Variants in VPS13B observed in about 807,000 individuals in gnomAD.
The protein encoded by VPS13B is vacuolar protein sorting 13 homolog B.
In VPS13B, 285 loss-of-function variants were observed where a neutral mutation model predicts 426.4. The observed-to-expected ratio is 0.67, with a 90% CI of 0.61 to 0.74. The LOEUF is 0.74. Among genes scored for constraint, VPS13B ranks in the 30% least tolerant of loss-of-function variants. The probability of loss-of-function intolerance (pLI) is 0.00; values close to 1 mark genes in which losing one functional copy is unlikely to be tolerated. For missense variants in VPS13B, 4,537 were observed against 4,782.6 expected (o/e 0.95, Z 1.51); for synonymous variants, 1,676 against 1,676.4 (o/e 1.00, Z 0.01).
chr8:99,872,405 G>C (rs1817470968), intron 61 of VPS13B, among the ~76,000 whole-genome samples: 1 of 152,184 alleles, frequency 6.6e-6, no homozygotes, highest in Non-Finnish European at 1.5e-5. Flanking sequence ...CCCTGGGGAT[G>C]ATACTTAAGG....
chr8:99,474,712 G>A (rs759374342), intron 24 of VPS13B, among the ~76,000 whole-genome samples: 1 of 152,176 alleles, frequency 6.6e-6, no homozygotes, highest in Non-Finnish European at 1.5e-5. Flanking sequence ...TCAATATGTG[G>A]ACCAACTGGA....
At chr8:99,043,740 G>A (rs1843075786) in intron 3 of VPS13B, among the ~76,000 whole-genome samples, 1 of 151,798 alleles carries the variant, frequency 6.6e-6, no homozygotes, top group Non-Finnish European at 1.5e-5. Flanking sequence ...GTGTCCATAT[G>A]GATTCTTACA....
At chr8:99,571,259 T>C (rs1453607303) in intron 31 of VPS13B, among the ~76,000 whole-genome samples, 1 of 152,172 alleles carries the variant, frequency 6.6e-6, no homozygotes, top group Non-Finnish European at 1.5e-5. Flanking sequence ...GACTGTTATA[T>C]GGTAAAATAT....
intron 39 of VPS13B, among the ~76,000 whole-genome samples, chr8:99,736,094 G>C: frequency 6.6e-6 from 1 of 152,144 alleles, no homozygotes; most frequent in African/African-American, 2.4e-5. Flanking sequence ...AGACTGGAAC[G>C]TAGCAATTGC....
At chr8:99,223,262 T>C (rs1394219123) in intron 17 of VPS13B, among the ~76,000 whole-genome samples, 1 of 152,100 alleles carries the variant, frequency 6.6e-6, no homozygotes, top group Non-Finnish European at 1.5e-5. Flanking sequence ...AAGATAATAG[T>C]GGAATAAAAG....
chr8:99,315,983 A>G (rs959574986), intron 19 of VPS13B, among the ~76,000 whole-genome samples: 3 of 152,084 alleles, frequency 2.0e-5, no homozygotes, highest in African/African-American at 2.4e-5. Context: ...TTACCTGAAG[A>G]TGTATCTGTC....
At chr8:99,802,746 G>A (rs375682823) in intron 43 of VPS13B, among the ~76,000 whole-genome samples, 1 of 152,140 alleles carries the variant, frequency 6.6e-6, no homozygotes, top group African/African-American at 2.4e-5. Flanking sequence ...TTAACTGATA[G>A]CATTAACATG....
chr8:99,678,668 C>G (rs1221702718), intron 35 of VPS13B, among the ~76,000 whole-genome samples: 1 of 152,000 alleles, frequency 6.6e-6, no homozygotes, highest in Admixed American at 6.6e-5. Flanking sequence ...GATGCTAGCA[C>G]CCATTGGTGC....
chr8:99,066,430 G>A (rs1844516758), intron 3 of VPS13B, among the ~76,000 whole-genome samples: 1 of 152,142 alleles, frequency 6.6e-6, no homozygotes, highest in Admixed American at 6.5e-5. Flanking sequence ...AAATGGTGGT[G>A]GGAAAACTGG....
At chr8:99,838,648 C>T (rs1815515856) in intron 54 of VPS13B, among the ~76,000 whole-genome samples, 1 of 152,106 alleles carries the variant, frequency 6.6e-6, no homozygotes, top group African/African-American at 2.4e-5. Flanking sequence ...TCAAGTTTAC[C>T]TGTGGAGGAG....
At chr8:99,086,745 A>G (rs949801761) in intron 3 of VPS13B, among the ~76,000 whole-genome samples, 10 of 152,206 alleles carry the variant, frequency 6.6e-5, no homozygotes, top group Admixed American at 5.2e-4. Flanking sequence ...TTGCCTGGGT[A>G]TCAGCAGCGG....
intron 16 of VPS13B, among the ~76,000 whole-genome samples, chr8:99,171,544 T>C (rs1812333195): frequency 6.6e-6 from 1 of 152,020 alleles, no homozygotes. Flanking sequence ...GTAAGACTTA[T>C]TTGAAGGATA....
At chr8:99,346,002 A>T (rs1227884530) in intron 19 of VPS13B, 1 of 154,330 alleles carries the variant, frequency 6.5e-6, no homozygotes, top group African/African-American at 2.4e-5. Context: ...CTGGATTCAG[A>T]TAGCAGAGTG....
intron 2 of VPS13B, among the ~76,000 whole-genome samples, chr8:99,026,572 G>A (rs1407412587): frequency 6.6e-6 from 1 of 152,146 alleles, no homozygotes; most frequent in African/African-American, 2.4e-5. Flanking sequence ...TTGTAATGGA[G>A]TCTATCTCTC....
At chr8:99,662,725 G>A (rs888689464) in intron 35 of VPS13B, among the ~76,000 whole-genome samples, 3 of 150,190 alleles carry the variant, frequency 2.0e-5, no homozygotes, top group Middle Eastern at 3.4e-3. Context: ...TGGGATTACA[G>A]GTGTGAACCA....
intron 2 of VPS13B, among the ~76,000 whole-genome samples, chr8:99,027,963 C>T (rs1011404148): frequency 2.0e-5 from 3 of 152,176 alleles, no homozygotes; most frequent in African/African-American, 7.2e-5. Context: ...GCACATCTTG[C>T]ACCGCCCTTA....
Position 99,832,354 on chromosome 8 carries a change from T to TTTTTTTTTTTTTTTTTTG in VPS13B, c.9331-3_9331-2insTTTTTGTTTTTTTTTTTT. 6.8e-7 allele frequency: 1 copy of TTTTTTTTTTTTTTTTTTG among 1,466,686 alleles called. No homozygotes were observed. The highest frequency in any genetic ancestry group is 1.3e-5 in the South Asian group (1 of 77,242). The allele number at this position is 1,466,686 out of a possible 1,614,324, so 90.9% of individuals were successfully genotyped here. A position where few individuals can be genotyped will look rare whatever the true frequency, so the allele number is the denominator to read the frequency against. On this transcript the variant is annotated splice_polypyrimidine_tract_variant and intron_variant, in intron 51 of 61. Coordinates refer to ENST00000357162, the MANE Select transcript of VPS13B (RefSeq NM_152564.5). ...TGTGCTCTCTGCATTTTTTTTTTTT[T>TTTTTTTTTTTTTTTTTTG]TTTTTTTTTTTTAGTATTTTCGTGT...
At chr8:99,802,549 T>C (rs527803710) in intron 43 of VPS13B, among the ~76,000 whole-genome samples, 1 of 152,230 alleles carries the variant, frequency 6.6e-6, no homozygotes, top group East Asian at 1.9e-4. Flanking sequence ...AAAACACACA[T>C]GGAAAAAAGG....
intron 24 of VPS13B, among the ~76,000 whole-genome samples, chr8:99,477,614 G>T (rs1050053527): frequency 6.6e-6 from 1 of 152,178 alleles, no homozygotes; most frequent in Non-Finnish European, 1.5e-5. Flanking sequence ...GATGACATCA[G>T]AATTGTGACC....
Sources: gnomAD v4.1 joint callset for allele counts (sites outside exome capture counted in the v4.1 genomes callset) on GRCh38, gnomAD v4.1.1 for gene constraint, MANE v1.5 for transcripts, NCBI Gene and HGNC (gene_info 2026-07-23, HGNC 2026-07-21) for gene names.